NALF1: variants seen among roughly 807,000 people sequenced by gnomAD.
NALF1 encodes NALCN channel auxiliary factor 1, also known as family with sequence similarity 155 member A.
Under a neutral mutation model 48.4 loss-of-function variants are expected in NALF1, and 3 were observed. The ratio of observed to expected loss-of-function variants is 0.06; its 90% CI spans 0.03 to 0.16. The LOEUF (loss-of-function observed/expected upper bound fraction) is 0.16. Ranked by LOEUF, NALF1 falls within the 10% of genes least tolerant of loss-of-function variation. The pLI is 1.00. For synonymous variants in NALF1, 262 were observed against 245.7 expected, an observed-to-expected ratio of 1.07 and a Z score of -0.62; for missense variants, 526 against 571.5, an observed-to-expected ratio of 0.92 and a Z score of 0.81.
chr13:107,794,087 T>C (rs750108499), intron 1 of NALF1, among the ~76,000 whole-genome samples: 1 of 152,196 alleles, frequency 6.6e-6, no homozygotes. Context: ...AAGAGTTAAA[T>C]GTCTTATTTA....
intron 1 of NALF1, among the ~76,000 whole-genome samples, chr13:107,338,976 C>CA (rs898794393): frequency 7.9e-5 from 12 of 151,304 alleles, no homozygotes; most frequent in African/African-American, 1.7e-4. Context: ...ACTAAAAATA[C>CA]AAAAAAAATT....
chr13:107,711,239 C>A (rs1219812971), intron 1 of NALF1, among the ~76,000 whole-genome samples: 1 of 152,160 alleles, frequency 6.6e-6, no homozygotes, highest in Non-Finnish European at 1.5e-5. Context: ...CAAAAGAGTG[C>A]CCTTTTTCCA....
At chr13:107,689,736 A>C (rs1379326429) in intron 1 of NALF1, among the ~76,000 whole-genome samples, 1 of 152,186 alleles carries the variant, frequency 6.6e-6, no homozygotes, top group East Asian at 1.9e-4. Context: ...AAAAAGTCTT[A>C]AGATTCTTGG....
chr13:107,586,012 G>A (rs1878444482), intron 1 of NALF1, among the ~76,000 whole-genome samples: 1 of 152,076 alleles, frequency 6.6e-6, no homozygotes, highest in African/African-American at 2.4e-5. Flanking sequence ...GTTGAGATCT[G>A]GAAGAATGCC....
At chr13:107,467,333 A>AGAGACTAAGGTTATTTCATTACTAG (rs1181623239) in intron 1 of NALF1, among the ~76,000 whole-genome samples, 9 of 152,332 alleles carry the variant, frequency 5.9e-5, no homozygotes, top group Admixed American at 4.6e-4. Flanking sequence ...TTCATTACTA[A>AGAGACTAAGGTTATTTCATTACTAG]GAGACTAAGG....
At chr13:107,760,901 AGAG>A (rs1049312114) in intron 1 of NALF1, among the ~76,000 whole-genome samples, 11 of 152,212 alleles carry the variant, frequency 7.2e-5, no homozygotes, top group African/African-American at 2.7e-4. Flanking sequence ...GGGAGCCGAA[AGAG>A]AAGAAAGGAG....
rs538472960 is a variant in NALF1, at chr13:107,504,259, A to G, written c.916-293504T>C. On this transcript the variant is annotated intron_variant, in intron 1 of 2. Coordinates refer to ENST00000375915, the MANE Select transcript of NALF1 (RefSeq NM_001080396.3). ...GAGTGAGGCCCTATCTCAAAAAAAA[A>G]AAAAAAAAAAAATCAAACTCTGTTA... 4.9e-3 allele frequency among the ~76,000 whole-genome samples: 748 copies of G among 151,982 alleles called. 3 individuals are homozygous for G. Among genetic ancestry groups the G allele is most frequent in the Non-Finnish European group, 7.2e-3 (486 of 67,962 alleles).
At chr13:107,696,505 T>C (rs1380031921) in intron 1 of NALF1, among the ~76,000 whole-genome samples, 1 of 151,994 alleles carries the variant, frequency 6.6e-6, no homozygotes. Context: ...CTCTACTGCC[T>C]ACTAGTTAGG....
chr13:107,817,670 C>G (rs1879207511), intron 1 of NALF1, among the ~76,000 whole-genome samples: 1 of 152,176 alleles, frequency 6.6e-6, no homozygotes, highest in Non-Finnish European at 1.5e-5. Context: ...TCCCATCTAT[C>G]TGCTAAAGGA....
intron 1 of NALF1, among the ~76,000 whole-genome samples, chr13:107,289,184 G>A (rs567087033): frequency 1.3e-5 from 2 of 152,054 alleles, no homozygotes; most frequent in African/African-American, 2.4e-5. Context: ...TTGCTCCAGC[G>A]TCCCTGCCAC....
intron 2 of NALF1, among the ~76,000 whole-genome samples, chr13:107,197,806 T>A (rs1435232108): frequency 6.6e-6 from 1 of 152,210 alleles, no homozygotes; most frequent in Non-Finnish European, 1.5e-5. Flanking sequence ...AAATTTGAAG[T>A]TTCCTCATGG....
intron 2 of NALF1, among the ~76,000 whole-genome samples, chr13:107,189,724 C>A (rs1927762): frequency 0.16 from 24,162 of 152,224 alleles, 2,059 homozygotes; most frequent in East Asian, 0.38. Flanking sequence ...TCTCTTTTAT[C>A]ACTATGAACT....
chr13:107,539,519 T>C (rs990122014), intron 1 of NALF1, among the ~76,000 whole-genome samples: 8 of 152,174 alleles, frequency 5.3e-5, no homozygotes, highest in Non-Finnish European at 1.0e-4. Context: ...CAGCATAGGG[T>C]TGACAATCAA....
chr13:107,608,713 G>T, intron 1 of NALF1, among the ~76,000 whole-genome samples: 1 of 152,176 alleles, frequency 6.6e-6, no homozygotes, highest in East Asian at 1.9e-4. Flanking sequence ...AAAAACATAT[G>T]ATTGTGTTGA....
chr13:107,850,199 C>T (rs556842624), intron 1 of NALF1, among the ~76,000 whole-genome samples: 1 of 152,286 alleles, frequency 6.6e-6, no homozygotes, highest in South Asian at 2.1e-4. Flanking sequence ...GCTAATTGTT[C>T]ACTACCACTA....
At chr13:107,571,604 G>A (rs780897772) in intron 1 of NALF1, among the ~76,000 whole-genome samples, 3 of 152,154 alleles carry the variant, frequency 2.0e-5, no homozygotes, top group African/African-American at 7.2e-5. Context: ...GTTTCCTTGA[G>A]TTCTTTGGGC....
intron 1 of NALF1, among the ~76,000 whole-genome samples, chr13:107,218,612 AAAACAAACAAAAC>A (rs1566454765): frequency 6.6e-6 from 1 of 151,374 alleles, no homozygotes; most frequent in East Asian, 2.0e-4. Context: ...GCCGAAAACA[AAAACAAACAAAAC>A]AAACAAACAA....
chr13:107,474,345 T>C (rs1885146464), intron 1 of NALF1, among the ~76,000 whole-genome samples: 1 of 152,186 alleles, frequency 6.6e-6, no homozygotes, highest in Admixed American at 6.5e-5. Context: ...ATCCAGAAAC[T>C]GTACTTTTAA....
intron 1 of NALF1, among the ~76,000 whole-genome samples, chr13:107,707,023 C>A (rs370433489): frequency 5.6e-5 from 8 of 141,922 alleles, no homozygotes; most frequent in Non-Finnish European, 7.6e-5. Context: ...CCCGGGTTCA[C>A]GCCATTCTCC....
Sources: gnomAD v4.1 joint callset for allele counts (sites outside exome capture counted in the v4.1 genomes callset) on GRCh38, gnomAD v4.1.1 for gene constraint, MANE v1.5 for transcripts, NCBI Gene and HGNC (gene_info 2026-07-23, HGNC 2026-07-21) for gene names.